Variants in PTPN5 observed in about 807,000 individuals in gnomAD.
PTPN5 encodes the protein tyrosine-protein phosphatase non-receptor type 5.
A neutral mutation model predicts 73.9 loss-of-function variants in PTPN5; 29 were observed. The observed-to-expected ratio is 0.39, with a 90% CI of 0.29 to 0.54. The LOEUF (loss-of-function observed/expected upper bound fraction) is 0.54, where lower values mean the gene tolerates loss of function less well. PTPN5 is among the 20% of genes least tolerant of loss of function. The pLI is 0.65. For missense variants in PTPN5, 652 were observed against 751.4 expected, an observed-to-expected ratio of 0.87 and a Z score of 1.55; for synonymous variants, 267 against 304.7, an observed-to-expected ratio of 0.88 and a Z score of 1.29.
intron 4 of PTPN5, 72 bp downstream of exon 4, chr11:18,743,934 G>A: frequency 6.7e-7 from 1 of 1,496,760 alleles, no homozygotes; most frequent in Non-Finnish European, 8.9e-7. Flanking sequence ...TGGCCATCCT[G>A]GGGAGGAAGT....
At position 18,743,408 on chromosome 11, in the gene PTPN5, AC is replaced by A. The variant is rs772940136; in HGVS notation, c.312del (p.Trp104CysfsTer21). ...SQFLLACGVL[W>X]FSGYGHIWSQ... ...GACCAGATGTGGCCATAACCGCTGA[AC>A]CAGAGCACCCCACAGGCAAGCTGGG... On this transcript the variant is annotated frameshift_variant, in exon 5 of 15. Coordinates refer to ENST00000358540, the MANE Select transcript of PTPN5 (RefSeq NM_006906.2). LOFTEE classifies it high-confidence loss of function. 1 of 1,614,164 alleles carries A rather than the reference AC, an allele frequency of 6.2e-7. No homozygotes were observed. Among genetic ancestry groups the A allele is most frequent in the Admixed American group, 1.7e-5 (1 of 60,024 alleles).
In PTPN5 at chr11:18,744,065, C is replaced by T; in HGVS notation, c.232G>A (p.Gly78Arg). The T allele has an allele frequency of 6.2e-7, 1 of 1,609,536 alleles. No individual in the cohort carries two copies. Among genetic ancestry groups the T allele is most frequent in the South Asian group, 1.1e-5 (1 of 90,350 alleles). The change falls in exon 4 of 15, where the codon GGG becomes AGG. Residue 78 changes from glycine to arginine, a missense_variant. Physicochemically the swap from Gly to Arg is moderately radical, Grantham distance 125 (BLOSUM62 -2). Around this residue, in one of 3 missense-constraint regions of PTPN5, gnomAD observed 529 missense variants for 573.9 expected, o/e 0.92. Coordinates refer to ENST00000358540, the MANE Select transcript of PTPN5 (RefSeq NM_006906.2). ...CTCCTGACAGTGAGGGAGTGGCTCC[C>T]AGCGCCTCGAGGTGGTGGCTTCTGA... is the stretch of plus-strand genomic sequence containing the variant. ...PAQKPPPRGA[G>R]SHSLTVRSSL...
At chr11:18,765,099 T>C (rs1252989109) in intron 3 of PTPN5, among the ~76,000 whole-genome samples, 1 of 152,202 alleles carries the variant, frequency 6.6e-6, no homozygotes, top group East Asian at 1.9e-4. Flanking sequence ...TTTTCTTTTT[T>C]TATTTGTATT....
At chr11:18,769,260 A>G (rs1326188994) in intron 2 of PTPN5, among the ~76,000 whole-genome samples, 3 of 152,184 alleles carry the variant, frequency 2.0e-5, no homozygotes, top group Non-Finnish European at 4.4e-5. Context: ...ACAGACATGC[A>G]GACACGACTG....
At chr11:18,754,482 G>A (rs1426325933) in intron 3 of PTPN5, among the ~76,000 whole-genome samples, 2 of 152,116 alleles carry the variant, frequency 1.3e-5, no homozygotes, top group Non-Finnish European at 2.9e-5. Context: ...TGCCTTGGTG[G>A]CTGTCTTCAA....
intron 3 of PTPN5, among the ~76,000 whole-genome samples, chr11:18,749,091 G>A (rs1849765831): frequency 6.6e-6 from 1 of 152,224 alleles, no homozygotes; most frequent in Non-Finnish European, 1.5e-5. Context: ...AATTGCATTT[G>A]CTTCTTTTGA....
intron 1 of PTPN5, among the ~76,000 whole-genome samples, chr11:18,778,191 G>A (rs1317089987): frequency 1.2e-4 from 18 of 152,138 alleles, no homozygotes; most frequent in Admixed American, 1.2e-3. Context: ...AGCAGCAGTA[G>A]GACCTAACTC....
chr11:18,771,671 G>A (rs1850906870), intron 2 of PTPN5, among the ~76,000 whole-genome samples: 1 of 152,174 alleles, frequency 6.6e-6, no homozygotes, highest in South Asian at 2.1e-4. Context: ...GGTAGCTTTA[G>A]GGGCTCTAGG....
intron 1 of PTPN5, among the ~76,000 whole-genome samples, chr11:18,775,911 C>A (rs1851128601): frequency 6.6e-6 from 1 of 152,170 alleles, no homozygotes; most frequent in South Asian, 2.1e-4. Flanking sequence ...GTCCATGGAG[C>A]CCAACCTGCA....
rs143841857 is a variant in PTPN5, at chr11:18,733,134, C to T, written c.1218+101G>A. 5.1e-5 allele frequency: 78 copies of T among 1,514,880 alleles called. No individual in the cohort carries two copies. The Admixed American group carries it at 5.4e-4, about 10-fold the overall frequency. The allele number at this position is 1,514,880 out of a possible 1,614,324, so 93.8% of individuals were successfully genotyped here. A position where few individuals can be genotyped will look rare whatever the true frequency, so the allele number is the denominator to read the frequency against. On this transcript the variant is annotated intron_variant, in intron 11 of 14. Transcript: ENST00000358540. This position sits in a 1 kb window ranked among gnomAD's most constrained non-coding sequence, Gnocchi z 4.3. ...CTCATCTTGGCAGCGGAGTGAACAC[C>T]GCCGACCTCTTGAGATTGTCATAAA...
At position 18,737,958 on chromosome 11, in the gene PTPN5, G is replaced by T. The variant is rs1192668913; in HGVS notation, c.922C>A (p.Pro308Thr). The T allele has an allele frequency of 1.9e-6, 3 of 1,614,020 alleles. No individual in the cohort carries two copies. The highest frequency in any genetic ancestry group is 2.5e-6 in the Non-Finnish European group (3 of 1,179,972). ...FLLQAEFFEI[P>T]MNFVDPKEYD... ...TCTTTCGGATCCACAAAGTTCATGG[G>T]GATTTCCTGTGGAAGGAGGACACGG... The change falls in exon 9 of 15, where the codon CCC becomes ACC. Residue 308 changes from proline to threonine, a missense_variant. By Grantham distance (38) the Pro-to-Thr change is conservative. Around this residue, in one of 3 missense-constraint regions of PTPN5, gnomAD observed 529 missense variants for 573.9 expected, o/e 0.92. Transcript: ENST00000358540.
At position 18,742,895 on chromosome 11, in the gene PTPN5, G is replaced by T. The variant is rs1849434717; in HGVS notation, c.483+97C>A. 2.3e-6 allele frequency: 2 copies of T among 860,138 alleles called. No individual in the cohort carries two copies. Among genetic ancestry groups the T allele is most frequent in the Non-Finnish European group, 3.8e-6 (2 of 530,382 alleles). 53.3% of individuals were successfully genotyped at this position (860,138 alleles called of 1,614,324 possible). On this transcript the variant is annotated intron_variant, in intron 6 of 14. Transcript: ENST00000358540. The surrounding 1 kb of genome is among the most constrained non-coding windows in gnomAD (Gnocchi z 4.1). ...TAGGTATCCCTCCTTGCCCCACCCA[G>T]AATGTCCAGCCTATAAGTCAGATGG...
intron 3 of PTPN5, among the ~76,000 whole-genome samples, chr11:18,759,887 T>G (rs1262443316): frequency 6.6e-6 from 1 of 151,994 alleles, no homozygotes; most frequent in African/African-American, 2.4e-5. Flanking sequence ...TAAGCACCAC[T>G]CTGGGGAGCT....
At position 18,744,151 on chromosome 11, in the gene PTPN5, A is replaced by G. The variant is rs1590519298; in HGVS notation, c.146T>C (p.Leu49Pro). The change falls in exon 4 of 15, where the codon CTC (leucine) becomes CCC (proline). Residue 49 changes from leucine to proline, a missense_variant. Around this residue, in one of 3 missense-constraint regions of PTPN5, gnomAD observed 529 missense variants for 573.9 expected, o/e 0.92. Transcript: ENST00000358540. ...CGGCATCTCTCTCTGTGAGTCCTGG[A>G]GCCCTTCAGCCTCGTCCAGTGCCTC... ...VMEALDEAEG[L>P]QDSQREMPPP... 1.9e-6 allele frequency: 3 copies of G among 1,600,514 alleles called. No homozygotes were observed. The highest frequency in any genetic ancestry group is 2.6e-6 in the Non-Finnish European group (3 of 1,174,760).
chr11:18,741,284 G>A (rs1849353344), intron 7 of PTPN5, among the ~76,000 whole-genome samples: 1 of 152,174 alleles, frequency 6.6e-6, no homozygotes, highest in Non-Finnish European at 1.5e-5. Flanking sequence ...GTCCAGGAGA[G>A]GCCAGGACCC....
At position 18,765,943 on chromosome 11, in the gene PTPN5, T is replaced by G. The variant is rs1052751954; in HGVS notation, c.21-60A>C. On this transcript the variant is annotated intron_variant, in intron 2 of 14. Coordinates refer to ENST00000358540, the MANE Select transcript of PTPN5 (RefSeq NM_006906.2). ...TGAGCCAGGATCAAGACAAAAACCCTGAGCAAAGATAAGAAGGCTCCCTCT... is the reference window on the plus strand; with the variant it reads ...TGAGCCAGGATCAAGACAAAAACCCGGAGCAAAGATAAGAAGGCTCCCTCT... 1.1e-5 allele frequency: 14 copies of G among 1,259,856 alleles called. No individual in the cohort carries two copies. The African/African-American group carries it at 2.1e-4, about 19-fold the overall frequency. 78.0% of individuals were successfully genotyped at this position (1,259,856 alleles called of 1,614,324 possible).
Position 18,740,781 on chromosome 11 carries a change from T to TG in PTPN5, c.736_737insC (p.Asn246ThrfsTer26). The TG allele has an allele frequency of 1.3e-6, 2 of 1,548,516 alleles. No individual in the cohort carries two copies. The highest frequency in any genetic ancestry group is 3.7e-5 in the Admixed American group (2 of 53,750). ...GCACATGTCCAGGGTCAGGGAGACA[T>TG]TGGAACCCCTCCTGGAAGGACCAGG... On this transcript the variant is annotated frameshift_variant, in exon 8 of 15. Transcript: ENST00000358540. LOFTEE classifies it high-confidence loss of function.
intron 1 of PTPN5, among the ~76,000 whole-genome samples, chr11:18,778,386 T>C (rs1373946336): frequency 6.6e-6 from 1 of 152,244 alleles, no homozygotes; most frequent in African/African-American, 2.4e-5. Context: ...CTCTGCCTTC[T>C]AGGATTAGGC....
intron 8 of PTPN5, among the ~76,000 whole-genome samples, chr11:18,739,281 G>A (rs1348284883): frequency 6.6e-6 from 1 of 152,228 alleles, no homozygotes; most frequent in Non-Finnish European, 1.5e-5. Context: ...GACAGGAAAT[G>A]AGGTAGAGGA....
Sources: allele counts gnomAD v4.1 joint callset (sites outside exome capture counted in the v4.1 genomes callset), GRCh38; gene constraint gnomAD v4.1.1; regional missense constraint gnomAD v4.1.1; non-coding constraint Gnocchi (gnomAD v3.1); transcripts MANE v1.5; gene names NCBI Gene and HGNC (gene_info 2026-07-23, HGNC 2026-07-21).